The following GXYLT2 variants were observed in gnomAD, a reference collection of about 807,000 sequenced individuals.
The protein encoded by GXYLT2 is glycosyltransferase 8 domain containing 4.
Under a neutral mutation model 45.8 loss-of-function variants are expected in GXYLT2, and 53 were observed. The observed-to-expected ratio is 1.16, with a 90% confidence interval of 0.93 to 1.46. GXYLT2 has a LOEUF of 1.46. GXYLT2 is among the 40% of genes most tolerant of loss of function. GXYLT2 has a pLI of 0.00. For missense variants in GXYLT2, 551 were observed against 544.4 expected (o/e 1.01, Z -0.12); for synonymous variants, 219 against 214.2 (o/e 1.02, Z -0.19).
At position 72,888,121 on chromosome 3, in the gene GXYLT2, G is replaced by A. The variant is rs938825908; in HGVS notation, c.-113G>A. 8 of 660,880 alleles carry A rather than the reference G, an allele frequency of 1.2e-5. No individual in the cohort carries two copies. The highest frequency in any genetic ancestry group is 1.5e-5 in the Non-Finnish European group (8 of 537,326). 40.9% of individuals were successfully genotyped at this position (660,880 alleles called of 1,614,324 possible). ...GCCGGCCGCCACGACCCCAGTCCCC[G>A]GCGGGCGGGCGGAGGAGGCGACCGC... is the stretch of plus-strand genomic sequence containing the variant. On this transcript the variant is annotated 5_prime_UTR_variant, in exon 1 of 7. Coordinates refer to ENST00000389617, the MANE Select transcript of GXYLT2 (RefSeq NM_001080393.2).
At chr3:72,901,554 CTTTTTTTTTTT>C (rs71124002) in intron 1 of GXYLT2, among the ~76,000 whole-genome samples, 15 of 77,192 alleles carry the variant, frequency 1.9e-4, no homozygotes, top group African/African-American at 7.5e-4. Flanking sequence ...AACATTTTCG[CTTTTTTTTTTT>C]TTTTTTTTTT....
Position 72,923,370 on chromosome 3 carries a change from G to A in GXYLT2, c.600+1035G>A, listed in dbSNP as rs187302740. On this transcript the variant is annotated intron_variant, in intron 3 of 6. Transcript: ENST00000389617. ...GTTGAGGCTGCAGTGAGCCATGATC[G>A]CACCATCACACTCCAGCCTACCTGA... 2.2e-3 allele frequency among the ~76,000 whole-genome samples: 339 copies of A among 152,058 alleles called. 4 individuals carry two copies. The highest frequency in any genetic ancestry group is 7.4e-3 in the African/African-American group (305 of 41,476).
chr3:72,933,566 C>T (rs184837897), intron 3 of GXYLT2, among the ~76,000 whole-genome samples: 6 of 152,142 alleles, frequency 3.9e-5, no homozygotes, highest in Non-Finnish European at 7.4e-5. Flanking sequence ...AATAAATGAA[C>T]GTGATCATAA....
In GXYLT2 at chr3:72,967,628, A is replaced by T. The variant is rs772637127; in HGVS notation, c.1058A>T (p.His353Leu). Residue 353 changes from histidine to leucine, a missense_variant, in exon 6 of 7, where the codon CAT becomes CTT. Transcript: ENST00000389617. ...GGAAGCAACTGCAGAGAGGCTGAGC[A>T]TGAAGGTGTGTCTGTTCTGCATGGA... Reference protein sequence around the residue: ...MYGSNCREAEHEGVSVLHGNR... With the variant: ...MYGSNCREAELEGVSVLHGNR... 1.9e-6 allele frequency: 3 copies of T among 1,613,838 alleles called. No homozygotes were observed. In the African/African-American group the frequency reaches 4.0e-5, roughly 22 times the overall value.
At chr3:72,922,100 T>TA in intron 2 of GXYLT2, 104 bp from the exon 3 acceptor site, 1 of 993,404 alleles carries the variant, frequency 1.0e-6, no homozygotes, top group South Asian at 1.6e-5. Flanking sequence ...ACTTTCTGTG[T>TA]AAGTTGCCTG....
chr3:72,958,852 G>A (rs377546816), intron 5 of GXYLT2, among the ~76,000 whole-genome samples: 21 of 151,290 alleles, frequency 1.4e-4, no homozygotes, highest in African/African-American at 3.6e-4. Context: ...GGCTGGTCTC[G>A]AGCTCCTGAC....
At chr3:72,892,284 A>G (rs1709197701) in intron 1 of GXYLT2, among the ~76,000 whole-genome samples, 1 of 152,178 alleles carries the variant, frequency 6.6e-6, no homozygotes, top group Non-Finnish European at 1.5e-5. Context: ...TTTCTCATTT[A>G]TGGGCTCCAT....
chr3:72,940,650 G>A (rs984228512), intron 3 of GXYLT2, among the ~76,000 whole-genome samples: 1 of 152,172 alleles, frequency 6.6e-6, no homozygotes, highest in Non-Finnish European at 1.5e-5. Flanking sequence ...GCATGAATTT[G>A]TGTATTGTGG....
At chr3:72,909,829 A>G (rs980100197) in intron 2 of GXYLT2, among the ~76,000 whole-genome samples, 1 of 152,184 alleles carries the variant, frequency 6.6e-6, no homozygotes, top group African/African-American at 2.4e-5. Context: ...CTTTGTGTCT[A>G]CCAACTTGAG....
At chr3:72,941,952 A>G (rs34032156) in intron 3 of GXYLT2, among the ~76,000 whole-genome samples, 44 of 152,286 alleles carry the variant, frequency 2.9e-4, no homozygotes, top group Non-Finnish European at 4.7e-4. Flanking sequence ...TCTGAATTCC[A>G]TCCTCCAAAG....
chr3:72,972,762 TA>T (rs778605805), intron 6 of GXYLT2, among the ~76,000 whole-genome samples: 2,413 of 67,598 alleles, frequency 0.036, 51 homozygotes, highest in African/African-American at 0.087. Flanking sequence ...CTACAAAAAT[TA>T]AAAAAAAAAA....
At chr3:72,917,631 T>G (rs1048051450) in intron 2 of GXYLT2, among the ~76,000 whole-genome samples, 3 of 151,726 alleles carry the variant, frequency 2.0e-5, no homozygotes, top group South Asian at 4.2e-4. Context: ...ATGGCATGCA[T>G]GTGTGGTCCC....
intron 3 of GXYLT2, among the ~76,000 whole-genome samples, chr3:72,946,383 A>T (rs535187961): frequency 1.1e-4 from 16 of 151,866 alleles, no homozygotes; most frequent in Non-Finnish European, 1.8e-4. Context: ...AAGACATCCC[A>T]GTCGTAGAGA....
At position 72,963,049 on chromosome 3, in the gene GXYLT2, T is replaced by C. The variant is rs1185534982; in HGVS notation, c.977-4498T>C. Among the ~76,000 whole-genome samples the C allele has an allele frequency of 2.0e-5, 3 of 152,022 alleles. No individual in the cohort carries two copies. The East Asian group carries it at 5.8e-4, about 29-fold the overall frequency. The stretch of plus-strand genomic sequence containing the variant: ...AAGCGAGGCCGGGTGTGGGAGCTTA[T>C]GCCTGTAATCTCAACGCTTTAGGAG... On this transcript the variant is annotated intron_variant, in intron 5 of 6. Transcript: ENST00000389617.
chr3:72,949,960 C>T (rs998234575), intron 3 of GXYLT2, among the ~76,000 whole-genome samples: 3 of 152,212 alleles, frequency 2.0e-5, no homozygotes, highest in Non-Finnish European at 2.9e-5. Context: ...GGGCTTCACA[C>T]ACATCATCTC....
intron 3 of GXYLT2, among the ~76,000 whole-genome samples, chr3:72,946,148 A>G (rs1040205927): frequency 6.6e-6 from 1 of 151,756 alleles, no homozygotes; most frequent in Non-Finnish European, 1.5e-5. Flanking sequence ...CTGATGATAT[A>G]TGCCTGCGGT....
chr3:72,901,954 A>G (rs1381427771), intron 1 of GXYLT2, among the ~76,000 whole-genome samples: 1 of 152,104 alleles, frequency 6.6e-6, no homozygotes, highest in Admixed American at 6.5e-5. Context: ...CATTGTCATT[A>G]TGTTCACAGG....
chr3:72,948,671 T>C (rs1023997640), intron 3 of GXYLT2, among the ~76,000 whole-genome samples: 3 of 151,896 alleles, frequency 2.0e-5, no homozygotes, highest in Admixed American at 2.0e-4. Context: ...ACCCCGTCTC[T>C]ACTGAAAATA....
intron 3 of GXYLT2, among the ~76,000 whole-genome samples, chr3:72,923,322 G>A (rs2107102944): frequency 6.6e-6 from 1 of 152,166 alleles, no homozygotes; most frequent in South Asian, 2.1e-4. Context: ...GGCTGAGGTG[G>A]GAGGATCATC....
Sources: allele counts gnomAD v4.1 joint callset (sites outside exome capture counted in the v4.1 genomes callset), GRCh38; gene constraint gnomAD v4.1.1; transcripts MANE v1.5; gene names NCBI Gene and HGNC (gene_info 2026-07-23, HGNC 2026-07-21).